SYNDIG1: variants seen among roughly 807,000 people sequenced by gnomAD.
The protein encoded by SYNDIG1 is synapse differentiation-inducing gene protein 1.
A neutral mutation model predicts 19.4 loss-of-function variants in SYNDIG1; 9 were observed. The observed-to-expected ratio is 0.46, with a 90% CI of 0.28 to 0.81. The LOEUF (loss-of-function observed/expected upper bound fraction) is 0.81. SYNDIG1 is among the 30% of genes least tolerant of loss of function. The pLI is 0.12. For synonymous variants in SYNDIG1, 141 were observed against 145.9 expected (o/e 0.97, Z 0.24); for missense variants, 311 against 343.3 (o/e 0.91, Z 0.74).
chr20:24,526,861 T>C (rs2057135397), intron 1 of SYNDIG1, among the ~76,000 whole-genome samples: 1 of 152,238 alleles, frequency 6.6e-6, no homozygotes, highest in East Asian at 1.9e-4. Context: ...GAAGATATTA[T>C]CCTCTGTCCT....
intron 3 of SYNDIG1, among the ~76,000 whole-genome samples, chr20:24,630,664 A>C (rs1219204282): frequency 1.3e-5 from 2 of 152,164 alleles, no homozygotes; most frequent in East Asian, 3.9e-4. Context: ...AGCAACATCC[A>C]CACTCCTGAG....
rs759140050 is a variant in SYNDIG1, at chr20:24,665,513, C to A, written c.*9C>A. The A allele has an allele frequency of 6.2e-7, 1 of 1,613,756 alleles. No individual in the cohort carries two copies. The highest frequency in any genetic ancestry group is 1.1e-5 in the South Asian group (1 of 91,034). ...AGAACAACCACCTGTGAGCTTCCTG[C>A]GAATGGAGGGGGAGCACCCGGGGCC... On this transcript the variant is annotated 3_prime_UTR_variant, in exon 4 of 4. Coordinates refer to ENST00000376862, the MANE Select transcript of SYNDIG1 (RefSeq NM_024893.3).
intron 1 of SYNDIG1, among the ~76,000 whole-genome samples, chr20:24,485,719 G>A (rs2055937959): frequency 6.6e-6 from 1 of 152,220 alleles, no homozygotes. Flanking sequence ...ATGTGGCTGA[G>A]TGTTACTCAG....
At chr20:24,478,835 G>A (rs2146224572) in intron 1 of SYNDIG1, among the ~76,000 whole-genome samples, 1 of 152,306 alleles carries the variant, frequency 6.6e-6, no homozygotes, top group East Asian at 1.9e-4. Context: ...AGAACTCACA[G>A]GCAGGCAGAG....
intron 2 of SYNDIG1, among the ~76,000 whole-genome samples, chr20:24,581,231 T>C (rs749066556): frequency 7.2e-5 from 11 of 152,154 alleles, no homozygotes; most frequent in Non-Finnish European, 1.5e-4. Context: ...TGAGTGGACG[T>C]GTTTTAACCT....
intron 1 of SYNDIG1, among the ~76,000 whole-genome samples, chr20:24,520,015 A>G (rs148792265): frequency 1.3e-5 from 2 of 152,018 alleles, no homozygotes; most frequent in Non-Finnish European, 2.9e-5. Context: ...CATTTCTCCA[A>G]TTCTAGGATG....
intron 1 of SYNDIG1, among the ~76,000 whole-genome samples, chr20:24,507,296 G>A (rs899539295): frequency 9.9e-5 from 15 of 152,244 alleles, no homozygotes; most frequent in Non-Finnish European, 1.3e-4. Context: ...GCCAGGGCTT[G>A]CCCAGGGATG....
At chr20:24,489,146 A>T (rs539920069) in intron 1 of SYNDIG1, among the ~76,000 whole-genome samples, 1 of 152,308 alleles carries the variant, frequency 6.6e-6, no homozygotes, top group Non-Finnish European at 1.5e-5. Flanking sequence ...ACGCATGCAC[A>T]CACCCACACT....
intron 3 of SYNDIG1, among the ~76,000 whole-genome samples, chr20:24,652,467 T>A (rs1281609782): frequency 1.3e-5 from 2 of 152,356 alleles, no homozygotes; most frequent in East Asian, 3.9e-4. Flanking sequence ...GGCTTCTGCC[T>A]GTCCTACGCT....
At chr20:24,601,863 T>C (rs2147126667) in intron 3 of SYNDIG1, among the ~76,000 whole-genome samples, 1 of 152,330 alleles carries the variant, frequency 6.6e-6, no homozygotes, top group East Asian at 1.9e-4. Context: ...CTCTCTGTTT[T>C]ATGTTATTGG....
chr20:24,512,520 G>A (rs377329739), intron 1 of SYNDIG1, among the ~76,000 whole-genome samples: 30 of 152,100 alleles, frequency 2.0e-4, no homozygotes, highest in African/African-American at 6.0e-4. Flanking sequence ...AGGGTCCCAC[G>A]CCCACGGAGC....
At chr20:24,561,638 C>T (rs79275417) in intron 2 of SYNDIG1, among the ~76,000 whole-genome samples, 3 of 152,182 alleles carry the variant, frequency 2.0e-5, no homozygotes, top group African/African-American at 7.2e-5. Context: ...TGATATATTG[C>T]TGGCTGCTGG....
At chr20:24,532,342 A>C (rs1368174014) in intron 1 of SYNDIG1, among the ~76,000 whole-genome samples, 1 of 152,234 alleles carries the variant, frequency 6.6e-6, no homozygotes, top group Non-Finnish European at 1.5e-5. Context: ...ACATCATGCC[A>C]AGTGAAAGAA....
At chr20:24,642,040 C>G (rs752131059) in intron 3 of SYNDIG1, among the ~76,000 whole-genome samples, 15 of 152,184 alleles carry the variant, frequency 9.9e-5, no homozygotes, top group Non-Finnish European at 1.9e-4. Context: ...CAAAAAGAAC[C>G]ATAGTCCATA....
intron 1 of SYNDIG1, among the ~76,000 whole-genome samples, chr20:24,504,554 G>A (rs2056540120): frequency 6.6e-6 from 1 of 152,188 alleles, no homozygotes; most frequent in African/African-American, 2.4e-5. Context: ...CTCGGAGGCT[G>A]CCTGGGGGCT....
At chr20:24,602,600 A>G (rs182405461) in intron 3 of SYNDIG1, among the ~76,000 whole-genome samples, 79 of 152,302 alleles carry the variant, frequency 5.2e-4, no homozygotes, top group Admixed American at 4.8e-3. Context: ...TGGTCAGCAA[A>G]CATCCCTAGG....
chr20:24,665,669 A>C lies in SYNDIG1; in HGVS notation c.*165A>C. 2.2e-6 allele frequency: 2 copies of C among 924,378 alleles called. No homozygotes were observed. The highest frequency in any genetic ancestry group is 3.1e-6 in the Non-Finnish European group (2 of 637,202). The allele number at this position is 924,378 out of a possible 1,614,324, so 57.3% of individuals were successfully genotyped here. ...TATTTTGTTTTTATCCTTTAATTTC[A>C]TGTTCACAGCACTGTGTAGAGCACC... On this transcript the variant is annotated 3_prime_UTR_variant, in exon 4 of 4. Transcript: ENST00000376862.
In SYNDIG1 at chr20:24,615,861, G is replaced by A. The variant is rs558871711; in HGVS notation, c.618+30868G>A. Among the ~76,000 whole-genome samples, 5 of 140,164 alleles carry A rather than the reference G, an allele frequency of 3.6e-5. No homozygotes were observed. In the East Asian group the frequency reaches 1.1e-3, roughly 30 times the overall value. 92.0% of individuals were successfully genotyped at this position (140,164 alleles called of 152,430 possible). A position where few individuals can be genotyped will look rare whatever the true frequency, so the allele number is the denominator to read the frequency against. ...CACCCGCCCCTCTCTGTAGAGGAAG[G>A]ACCCCTAAGAGGTCCAGGGAAATCA... is the stretch of plus-strand genomic sequence containing the variant. On this transcript the variant is annotated intron_variant, in intron 3 of 3. Coordinates refer to ENST00000376862, the MANE Select transcript of SYNDIG1 (RefSeq NM_024893.3).
At chr20:24,626,168 G>T (rs778777259) in intron 3 of SYNDIG1, among the ~76,000 whole-genome samples, 1 of 150,362 alleles carries the variant, frequency 6.7e-6, no homozygotes, top group Non-Finnish European at 1.5e-5. Flanking sequence ...CGGGCAGGGG[G>T]CTGACCCCCC....
Sources: allele counts gnomAD v4.1 joint callset (sites outside exome capture counted in the v4.1 genomes callset), GRCh38; gene constraint gnomAD v4.1.1; transcripts MANE v1.5; gene names NCBI Gene and HGNC (gene_info 2026-07-23, HGNC 2026-07-21).